Variants in WDR91 observed in about 807,000 individuals in gnomAD.
WDR91 encodes the protein WD repeat domain 91.
WDR91 carries 52 observed loss-of-function variants against 88.4 expected under a neutral mutation model. The observed-to-expected ratio is 0.59, with a 90% CI of 0.47 to 0.74. The LOEUF is 0.74. Among genes scored for constraint, WDR91 ranks in the 30% least tolerant of loss-of-function variants. The probability of loss-of-function intolerance (pLI) is 0.00; values close to 1 mark genes in which losing one functional copy is unlikely to be tolerated. For missense variants in WDR91, 824 were observed against 954.5 expected (o/e 0.86, Z 1.80); for synonymous variants, 362 against 389.5 (o/e 0.93, Z 0.83).
At position 135,196,686 on chromosome 7, in the gene WDR91, T is replaced by C. The variant is rs907536505; in HGVS notation, c.1051-349A>G. ...GGTGCAGGCCACACACCGCGCTGAG[T>C]ATTTTACAGATTTCTCTCATTTAGT... On this transcript the variant is annotated intron_variant, in intron 7 of 14. Transcript: ENST00000354475. The surrounding 1 kb of genome is among the most constrained non-coding windows in gnomAD (Gnocchi z 4.2). Among the ~76,000 whole-genome samples the C allele has an allele frequency of 6.6e-6, 1 of 152,126 alleles. No individual in the cohort carries two copies. The highest frequency in any genetic ancestry group is 1.5e-5 in the Non-Finnish European group (1 of 68,022).
At chr7:135,192,471 G>C (rs781204985) in intron 11 of WDR91, among the ~76,000 whole-genome samples, 7 of 152,186 alleles carry the variant, frequency 4.6e-5, no homozygotes, top group Non-Finnish European at 7.3e-5. Flanking sequence ...AAAATTATGA[G>C]GGGAGGGATG....
At position 135,185,568 on chromosome 7, in the gene WDR91, G is replaced by A. The variant is rs185836839; in HGVS notation, c.*583C>T. 6.6e-6 allele frequency: 1 copy of A among 152,224 alleles called. No individual in the cohort carries two copies. The highest frequency in any genetic ancestry group is 1.5e-5 in the Non-Finnish European group (1 of 68,058). 9.4% of individuals were successfully genotyped at this position (152,224 alleles called of 1,614,324 possible). A position where few individuals can be genotyped will look rare whatever the true frequency, so the allele number is the denominator to read the frequency against. ...GCTGCCAGCTTTCAGGGAAGAAAAA[G>A]AATTCTGTGGCCTTGACTTAAGCCC... On this transcript the variant is annotated 3_prime_UTR_variant, in exon 15 of 15. Coordinates refer to ENST00000354475, the MANE Select transcript of WDR91 (RefSeq NM_014149.4).
Position 135,196,488 on chromosome 7 carries a change from T to A in WDR91, c.1051-151A>T. The A allele has an allele frequency of 1.4e-6, 1 of 722,952 alleles. No individual in the cohort carries two copies. The allele number at this position is 722,952 out of a possible 1,614,324, so 44.8% of individuals were successfully genotyped here. ...GGAGAGCTCTGACCTGCGAGGGTAG[T>A]GCTCAGCTCACCCTGGGAGAGTGCA... is the stretch of plus-strand genomic sequence containing the variant. On this transcript the variant is annotated intron_variant, in intron 7 of 14. Coordinates refer to ENST00000354475, the MANE Select transcript of WDR91 (RefSeq NM_014149.4). The surrounding 1 kb of genome is among the most constrained non-coding windows in gnomAD (Gnocchi z 4.2).
chr7:135,203,017 A>G (rs1340682419), intron 6 of WDR91, among the ~76,000 whole-genome samples: 1 of 152,196 alleles, frequency 6.6e-6, no homozygotes, highest in East Asian at 1.9e-4. Flanking sequence ...ACCCTCTGTC[A>G]AGCACTCTTC....
chr7:135,205,110 C>T lies in WDR91; in HGVS notation c.726-677G>A, dbSNP rs111555352. Among the ~76,000 whole-genome samples the T allele has an allele frequency of 1.8e-3, 248 of 137,868 alleles. 2 individuals are homozygous for T. The highest frequency in any genetic ancestry group is 5.8e-3 in the African/African-American group (224 of 38,362). 90.4% of individuals were successfully genotyped at this position (137,868 alleles called of 152,430 possible). On this transcript the variant is annotated intron_variant, in intron 5 of 14. Coordinates refer to ENST00000354475, the MANE Select transcript of WDR91 (RefSeq NM_014149.4). Reference sequence around the variant, plus strand: ...CTGTGTGTACCTCTGTTTCTTCAACCACTACTATTATTATCACCAGCTGGG... The same window carrying T: ...CTGTGTGTACCTCTGTTTCTTCAACTACTACTATTATTATCACCAGCTGGG...
At position 135,185,641 on chromosome 7, in the gene WDR91, G is replaced by A. The variant is rs949879153; in HGVS notation, c.*510C>T. 1 of 152,350 alleles carries A rather than the reference G, an allele frequency of 6.6e-6. No individual in the cohort carries two copies. Among genetic ancestry groups the A allele is most frequent in the Admixed American group, 6.5e-5 (1 of 15,294 alleles). The allele number at this position is 152,350 out of a possible 1,614,324, so 9.4% of individuals were successfully genotyped here. A position where few individuals can be genotyped will look rare whatever the true frequency, so the allele number is the denominator to read the frequency against. On this transcript the variant is annotated 3_prime_UTR_variant, in exon 15 of 15. Coordinates refer to ENST00000354475, the MANE Select transcript of WDR91 (RefSeq NM_014149.4). ...CTTGTTACCCAGCAGAACAGACAGA[G>A]AGCTGACCTGGCTCCATGGCAAAGC...
In WDR91 at chr7:135,196,275, C is replaced by T. The variant is rs758689945; in HGVS notation, c.1113G>A (p.Thr371=). ...CCCGAGTCAGTGGCTCCACTGGCTC[C>T]GTGTGGAGCTCTGGGCAGGGCTCAG... The part of the protein sequence containing the change: ...PEAEPCPELH[T]EPVEPLTRAS... The change falls in exon 8 of 15, where the codon ACG becomes ACA. Residue 371 remains threonine (T), a synonymous_variant. Coordinates refer to ENST00000354475, the MANE Select transcript of WDR91 (RefSeq NM_014149.4). This position sits in a 1 kb window ranked among gnomAD's most constrained non-coding sequence, Gnocchi z 4.2. 16 of 1,610,880 alleles carry T rather than the reference C, an allele frequency of 9.9e-6. No homozygotes were observed. Among genetic ancestry groups the T allele is most frequent in the African/African-American group, 4.0e-5 (3 of 74,782 alleles).
chr7:135,201,687 G>A (rs1208646970), intron 6 of WDR91: 4 of 152,172 alleles, frequency 2.6e-5, no homozygotes, highest in African/African-American at 9.7e-5. Context: ...AAAGAAAGAA[G>A]GGCTCTGGTG....
At chr7:135,193,745 G>A in intron 9 of WDR91, 73 bp from the exon 10 acceptor site, 1 of 1,334,262 alleles carries the variant, frequency 7.5e-7, no homozygotes, top group Non-Finnish European at 1.1e-6. Context: ...TCTCCAGAGG[G>A]GGTGAGGCTG....
Position 135,204,441 on chromosome 7 carries a change from G to A in WDR91, c.726-8C>T. 6.2e-7 allele frequency: 1 copy of A among 1,613,794 alleles called. No individual in the cohort carries two copies. Among genetic ancestry groups the A allele is most frequent in the Non-Finnish European group, 8.5e-7 (1 of 1,179,824 alleles). On this transcript the variant is annotated splice_region_variant and splice_polypyrimidine_tract_variant and intron_variant, in intron 5 of 14. Transcript: ENST00000354475. ...TGGCTGCACACCATGGCACTGGTCA[G>A]CAAACACACCACAGGGTCAGAGGGC...
At chr7:135,209,326 C>A (rs1831927913) in intron 2 of WDR91, among the ~76,000 whole-genome samples, 1 of 152,064 alleles carries the variant, frequency 6.6e-6, no homozygotes, top group South Asian at 2.1e-4. Flanking sequence ...CTTTAAAATA[C>A]CACCTTTGTT....
chr7:135,208,567 C>T (rs999976475), intron 3 of WDR91, among the ~76,000 whole-genome samples: 1 of 152,196 alleles, frequency 6.6e-6, no homozygotes, highest in South Asian at 2.1e-4. Context: ...ACTGCCCACA[C>T]GTCAGCTAAT....
chr7:135,203,527 C>T (rs754312858), intron 6 of WDR91, among the ~76,000 whole-genome samples: 2 of 152,130 alleles, frequency 1.3e-5, no homozygotes, highest in East Asian at 1.9e-4. Flanking sequence ...AAAAAAGATC[C>T]GCTTGCAGTC....
At chr7:135,195,842 G>A (rs1365218266) in intron 8 of WDR91, among the ~76,000 whole-genome samples, 2 of 152,102 alleles carry the variant, frequency 1.3e-5, no homozygotes, top group African/African-American at 2.4e-5. Context: ...AGCTACTTGG[G>A]AGGCTGAGGC....
intron 13 of WDR91, among the ~76,000 whole-genome samples, chr7:135,188,058 C>T (rs1380419710): frequency 6.6e-6 from 1 of 152,116 alleles, no homozygotes; most frequent in African/African-American, 2.4e-5. Flanking sequence ...TCTCTGGGCT[C>T]TGCTGGGGTC....
intron 6 of WDR91, 79 bp from the exon 7 acceptor site, chr7:135,198,230 T>G: frequency 1.3e-5 from 19 of 1,440,900 alleles, no homozygotes; most frequent in East Asian, 5.3e-5. Context: ...TGGTCAGCCC[T>G]GGGCGGGGGG....
rs1042209575 is a variant in WDR91 at position 135,196,757 on chromosome 7, G to A, written c.1051-420C>T. Among the ~76,000 whole-genome samples, 1 of 152,220 alleles carries A rather than the reference G, an allele frequency of 6.6e-6. No individual in the cohort carries two copies. Among genetic ancestry groups the A allele is most frequent in the Non-Finnish European group, 1.5e-5 (1 of 68,040 alleles). ...CTATTATCTTCCCCATTTTACAGCT[G>A]TGGAAACTAAAAGACTGAAAGAGAA... On this transcript the variant is annotated intron_variant, in intron 7 of 14. Coordinates refer to ENST00000354475, the MANE Select transcript of WDR91 (RefSeq NM_014149.4). This position sits in a 1 kb window ranked among gnomAD's most constrained non-coding sequence, Gnocchi z 4.2.
Position 135,195,092 on chromosome 7 carries a change from G to A in WDR91, c.1245-8C>T. The A allele has an allele frequency of 6.2e-7, 1 of 1,610,892 alleles. No individual in the cohort carries two copies. The highest frequency in any genetic ancestry group is 8.5e-7 in the Non-Finnish European group (1 of 1,178,654). The stretch of plus-strand genomic sequence containing the variant: ...CTCCCAGAGCAGTCCACTCTGAGAT[G>A]AGAGAAAAGGGAGGCCTGTCAGCTG... On this transcript the variant is annotated splice_polypyrimidine_tract_variant and splice_region_variant and intron_variant, in intron 8 of 14. Coordinates refer to ENST00000354475, the MANE Select transcript of WDR91 (RefSeq NM_014149.4).
chr7:135,210,704 A>C, intron 1 of WDR91: 1 of 692,870 alleles, frequency 1.4e-6, no homozygotes, highest in East Asian at 2.7e-5. Context: ...CTAAGTAGCC[A>C]CTAACTTTGG....
Sources: allele counts gnomAD v4.1 joint callset (sites outside exome capture counted in the v4.1 genomes callset), GRCh38; gene constraint gnomAD v4.1.1; non-coding constraint Gnocchi (gnomAD v3.1); transcripts MANE v1.5; gene names NCBI Gene and HGNC (gene_info 2026-07-23, HGNC 2026-07-21).